MAF: variants seen among roughly 807,000 people sequenced by gnomAD.
MAF encodes transcription factor Maf.
In MAF, 10 loss-of-function variants were observed where a neutral mutation model predicts 22.0. The observed-to-expected ratio is 0.45, with a 90% CI of 0.28 to 0.77. The LOEUF (loss-of-function observed/expected upper bound fraction) is 0.77. MAF is among the 30% of genes least tolerant of loss of function. MAF has a pLI of 0.12. For missense variants in MAF, 544 were observed against 548.4 expected (o/e 0.99, Z 0.08); for synonymous variants, 337 against 255.8 (o/e 1.32, Z -3.03).
the MAF span, among the ~76,000 whole-genome samples, chr16:79,268,788 G>C: frequency 3.9e-5 from 6 of 152,150 alleles, no homozygotes; most frequent in Non-Finnish European, 7.3e-5. Flanking sequence ...CTGTGCTGCC[G>C]GCCACCTGGG....
the MAF span, among the ~76,000 whole-genome samples, chr16:79,432,037 C>T: frequency 1.3e-5 from 2 of 152,186 alleles, no homozygotes; most frequent in Non-Finnish European, 2.9e-5. Context: ...ACTGTGTCCT[C>T]ACCAGAAATC....
the MAF span, among the ~76,000 whole-genome samples, chr16:79,350,585 C>A: frequency 6.6e-6 from 1 of 152,136 alleles, no homozygotes; most frequent in African/African-American, 2.4e-5. Flanking sequence ...TCCCTCCAGG[C>A]CCCACGCTGA....
At chr16:79,386,245 T>C in the MAF span, among the ~76,000 whole-genome samples, 1 of 152,186 alleles carries the variant, frequency 6.6e-6, no homozygotes, top group Non-Finnish European at 1.5e-5. Flanking sequence ...AAAACAATTA[T>C]ACAACTCACC....
chr16:79,377,397 G>C, the MAF span, among the ~76,000 whole-genome samples: 6 of 152,126 alleles, frequency 3.9e-5, no homozygotes, highest in Non-Finnish European at 8.8e-5. Context: ...TCGTAAATTT[G>C]TTTGAGTTCA....
At chr16:79,397,964 C>A in the MAF span, among the ~76,000 whole-genome samples, 4 of 152,218 alleles carry the variant, frequency 2.6e-5, no homozygotes, top group South Asian at 8.3e-4. Context: ...AAGGTAGTCA[C>A]TAAAAACAAC....
At chr16:79,216,721 C>A in the MAF span, among the ~76,000 whole-genome samples, 1 of 151,948 alleles carries the variant, frequency 6.6e-6, no homozygotes, top group South Asian at 2.1e-4. Flanking sequence ...TAGACGGTAA[C>A]CCCATAGTAA....
the MAF span, among the ~76,000 whole-genome samples, chr16:79,511,545 T>C: frequency 3.3e-4 from 51 of 152,244 alleles, no homozygotes; most frequent in African/African-American, 1.2e-3. Context: ...AGACGTAGAA[T>C]GCATTTAGAG....
chr16:79,380,550 T>C, the MAF span, among the ~76,000 whole-genome samples: 1 of 152,232 alleles, frequency 6.6e-6, no homozygotes, highest in Non-Finnish European at 1.5e-5. Flanking sequence ...GACTATATCT[T>C]GTCTTTGCAT....
the MAF span, among the ~76,000 whole-genome samples, chr16:79,538,837 G>GGAAA: frequency 1.0e-5 from 1 of 96,976 alleles, no homozygotes; most frequent in East Asian, 2.5e-4. Flanking sequence ...AAAGAAAGAA[G>GGAAA]GAAAGAAAGA....
At chr16:79,512,297 T>C in the MAF span, among the ~76,000 whole-genome samples, 16 of 152,320 alleles carry the variant, frequency 1.1e-4, no homozygotes, top group East Asian at 3.1e-3. Context: ...CAGTCGTTTC[T>C]CCACGAAGCC....
At chr16:79,519,595 A>C in the MAF span, among the ~76,000 whole-genome samples, 1 of 152,136 alleles carries the variant, frequency 6.6e-6, no homozygotes, top group Non-Finnish European at 1.5e-5. Context: ...GTCATCGGTA[A>C]CCATCCACTG....
At chr16:79,349,954 G>C in the MAF span, among the ~76,000 whole-genome samples, 2 of 152,124 alleles carry the variant, frequency 1.3e-5, no homozygotes, top group Non-Finnish European at 2.9e-5. Context: ...CCCTTCAAAA[G>C]TCTTTGCCTT....
the MAF span, among the ~76,000 whole-genome samples, chr16:79,418,054 GA>G: frequency 6.6e-6 from 1 of 152,068 alleles, no homozygotes; most frequent in Non-Finnish European, 1.5e-5. Context: ...AAAAGAAAAA[GA>G]AAATCCTTGA....
the MAF span, among the ~76,000 whole-genome samples, chr16:79,318,094 G>C: frequency 2.6e-5 from 4 of 152,156 alleles, no homozygotes; most frequent in Non-Finnish European, 5.9e-5. Flanking sequence ...AATATGTCTT[G>C]AGCACTTATA....
chr16:79,506,396 A>G, the MAF span, among the ~76,000 whole-genome samples: 2 of 152,152 alleles, frequency 1.3e-5, no homozygotes, highest in Non-Finnish European at 2.9e-5. Flanking sequence ...GCTCAACCTC[A>G]GAGTGTGTGC....
At chr16:79,284,104 C>A in the MAF span, among the ~76,000 whole-genome samples, 2 of 152,208 alleles carry the variant, frequency 1.3e-5, no homozygotes, top group East Asian at 3.9e-4. Context: ...GATATTTGTG[C>A]TAGAAATTGC....
the MAF span, among the ~76,000 whole-genome samples, chr16:79,350,794 A>G: frequency 6.6e-6 from 1 of 152,166 alleles, no homozygotes; most frequent in African/African-American, 2.4e-5. Flanking sequence ...CAAGAAATAC[A>G]AAGTTGAATG....
the MAF span, among the ~76,000 whole-genome samples, chr16:79,425,272 T>C: frequency 6.6e-6 from 1 of 152,336 alleles, no homozygotes; most frequent in African/African-American, 2.4e-5. Context: ...TGTGGCTACA[T>C]CTTTTTGTGT....
At chr16:79,564,606 C>T in the MAF span, among the ~76,000 whole-genome samples, 12 of 152,186 alleles carry the variant, frequency 7.9e-5, no homozygotes, top group East Asian at 1.9e-4. Context: ...TGACAACTCT[C>T]GGGGCATGGA....
Sources: gnomAD v4.1 joint callset for allele counts (sites outside exome capture counted in the v4.1 genomes callset) on GRCh38, gnomAD v4.1.1 for gene constraint, MANE v1.5 for transcripts, NCBI Gene and HGNC (gene_info 2026-07-23, HGNC 2026-07-21) for gene names.